Variants in MTRF1 observed in about 807,000 individuals in gnomAD.
MTRF1 encodes mitochondrial translation release factor 1.
MTRF1 carries 51 observed loss-of-function variants against 62.9 expected under a neutral mutation model. The ratio of observed to expected loss-of-function variants is 0.81; its 90% CI spans 0.65 to 1.02. The LOEUF is 1.02. Among genes scored for constraint, MTRF1 ranks in the 50% least tolerant of loss-of-function variants. The pLI, the probability that MTRF1 is intolerant of heterozygous loss-of-function variation, is 0.00. For synonymous variants in MTRF1, 158 were observed against 181.9 expected, an observed-to-expected ratio of 0.87 and a Z score of 1.06; for missense variants, 446 against 530.0, an observed-to-expected ratio of 0.84 and a Z score of 1.56.
At chr13:41,280,438 T>C in the MTRF1 span, among the ~76,000 whole-genome samples, 1 of 152,164 alleles carries the variant, frequency 6.6e-6, no homozygotes, top group Non-Finnish European at 1.5e-5. Flanking sequence ...TAAAAATATA[T>C]AAAACCAAGC....
Position 41,226,412 on chromosome 13 carries a change from T to C in MTRF1, c.1125+20A>G. Reference sequence around the variant, plus strand: ...TTTTCTTTAAACAGTCACTAAATTATTATACCAAGTAAATCTTACCTGCAG... The same window carrying C: ...TTTTCTTTAAACAGTCACTAAATTACTATACCAAGTAAATCTTACCTGCAG... On this transcript the variant is annotated intron_variant, in intron 8 of 9. Coordinates refer to ENST00000379480, the MANE Select transcript of MTRF1 (RefSeq NM_004294.4). The C allele has an allele frequency of 1.3e-6, 2 of 1,598,558 alleles. No individual in the cohort carries two copies. The highest frequency in any genetic ancestry group is 1.7e-6 in the Non-Finnish European group (2 of 1,176,034).
At chr13:41,256,868 G>T (rs2039797812) in intron 2 of MTRF1, among the ~76,000 whole-genome samples, 1 of 152,142 alleles carries the variant, frequency 6.6e-6, no homozygotes, top group Non-Finnish European at 1.5e-5. Flanking sequence ...CATGTTTCAT[G>T]CTGCAGAAGA....
intron 5 of MTRF1, among the ~76,000 whole-genome samples, chr13:41,242,120 T>C (rs2037581624): frequency 6.6e-6 from 1 of 151,634 alleles, no homozygotes; most frequent in Non-Finnish European, 1.5e-5. Context: ...TCTACCAAGA[T>C]ACCAACGTTT....
chr13:41,281,834 TAAAAGAAAA>T, the MTRF1 span, among the ~76,000 whole-genome samples: 4 of 151,958 alleles, frequency 2.6e-5, no homozygotes, highest in Non-Finnish European at 5.9e-5. Flanking sequence ...TCAACGAAGG[TAAAAGAAAA>T]TACTCTGCCC....
At chr13:41,297,815 A>T in the MTRF1 span, among the ~76,000 whole-genome samples, 8,023 of 151,972 alleles carry the variant, frequency 0.053, 284 homozygotes, top group Non-Finnish European at 0.074. Context: ...ACCTCCAGTG[A>T]TGTGCCCGCC....
At chr13:41,283,779 CG>C in the MTRF1 span, among the ~76,000 whole-genome samples, 79 of 151,448 alleles carry the variant, frequency 5.2e-4, no homozygotes, top group Non-Finnish European at 1.1e-3. Context: ...TTAGTAGAGA[CG>C]GGGTTTCACC....
the MTRF1 span, among the ~76,000 whole-genome samples, chr13:41,271,066 C>G: frequency 6.8e-6 from 1 of 147,448 alleles, no homozygotes; most frequent in South Asian, 2.1e-4. Context: ...CACACACACA[C>G]ACACACACAC....
chr13:41,308,677 T>C, the MTRF1 span, among the ~76,000 whole-genome samples: 1 of 152,228 alleles, frequency 6.6e-6, no homozygotes, highest in African/African-American at 2.4e-5. Flanking sequence ...TTGGGAGCTC[T>C]GCAGAGTACA....
the MTRF1 span, among the ~76,000 whole-genome samples, chr13:41,300,250 C>T: frequency 3.9e-5 from 6 of 152,276 alleles, no homozygotes; most frequent in South Asian, 2.1e-4. Flanking sequence ...CCTGAATACA[C>T]ACTTCTGTTT....
At chr13:41,250,236 T>G (rs1488989051) in intron 5 of MTRF1, among the ~76,000 whole-genome samples, 2 of 152,146 alleles carry the variant, frequency 1.3e-5, no homozygotes, top group Non-Finnish European at 2.9e-5. Context: ...CTCTCTCCTC[T>G]TTTGCTTCCA....
chr13:41,273,325 CAAAAAA>C, the MTRF1 span, among the ~76,000 whole-genome samples: 1 of 120,284 alleles, frequency 8.3e-6, no homozygotes, highest in African/African-American at 3.1e-5. Flanking sequence ...GACTCCGTCT[CAAAAAA>C]AAAAAAAAAA....
the MTRF1 span, among the ~76,000 whole-genome samples, chr13:41,280,520 T>C: frequency 1.3e-5 from 2 of 152,140 alleles, no homozygotes; most frequent in African/African-American, 4.8e-5. Context: ...TGGTCACTAA[T>C]ATTTGGCTCA....
chr13:41,259,721 A>AACAAAAAAAAACAAAAAAAAC (rs1356818046), intron 2 of MTRF1, among the ~76,000 whole-genome samples: 34 of 149,590 alleles, frequency 2.3e-4, no homozygotes, highest in Non-Finnish European at 3.9e-4. Context: ...AAAAAAAAAA[A>AACAAAAAAAAACAAAAAAAAC]CATAAAAATA....
chr13:41,299,345 A>T, the MTRF1 span, among the ~76,000 whole-genome samples: 2 of 152,186 alleles, frequency 1.3e-5, no homozygotes, highest in Non-Finnish European at 2.9e-5. Context: ...GAGGCTAAGT[A>T]CCATTGAAAA....
chr13:41,229,261 T>C (rs2035068297), intron 7 of MTRF1: 2 of 152,252 alleles, frequency 1.3e-5, no homozygotes, highest in African/African-American at 2.4e-5. Context: ...TTCGATACAA[T>C]GTGGAATGAT....
At chr13:41,246,270 C>G (rs183856558) in intron 5 of MTRF1, among the ~76,000 whole-genome samples, 1 of 151,906 alleles carries the variant, frequency 6.6e-6, no homozygotes, top group Admixed American at 6.6e-5. Context: ...GTGGGTATAC[C>G]CTGCAACTGA....
chr13:41,230,063 C>G (rs2035239574), intron 7 of MTRF1, among the ~76,000 whole-genome samples: 1 of 150,984 alleles, frequency 6.6e-6, no homozygotes, highest in African/African-American at 2.4e-5. Flanking sequence ...GTTCACTGGC[C>G]ACTGCATGCC....
At chr13:41,284,206 C>G in the MTRF1 span, among the ~76,000 whole-genome samples, 2 of 151,480 alleles carry the variant, frequency 1.3e-5, no homozygotes, top group African/African-American at 4.9e-5. Context: ...GCTGATTAGG[C>G]CTAGCACGGT....
At chr13:41,231,673 G>A (rs2035582879) in intron 7 of MTRF1, among the ~76,000 whole-genome samples, 2 of 152,184 alleles carry the variant, frequency 1.3e-5, no homozygotes, top group South Asian at 4.1e-4. Context: ...ATGTGGATAA[G>A]TGCACTCAGA....
Sources: gnomAD v4.1 joint callset for allele counts (sites outside exome capture counted in the v4.1 genomes callset) on GRCh38, gnomAD v4.1.1 for gene constraint, MANE v1.5 for transcripts, NCBI Gene and HGNC (gene_info 2026-07-23, HGNC 2026-07-21) for gene names.